Variants in LYST observed in about 807,000 individuals in gnomAD.
LYST encodes the protein lysosomal-trafficking regulator.
A neutral mutation model predicts 413.6 loss-of-function variants in LYST; 192 were observed. That is an observed-to-expected ratio of 0.46 (90% CI 0.41 to 0.52). The LOEUF (loss-of-function observed/expected upper bound fraction) is 0.52. Among genes scored for constraint, LYST ranks in the 20% least tolerant of loss-of-function variants. The pLI is 0.00. For synonymous variants in LYST, 1,525 were observed against 1,567.3 expected (o/e 0.97, Z 0.64); for missense variants, 3,815 against 4,499.9 (o/e 0.85, Z 4.35).
intron 25 of LYST, among the ~76,000 whole-genome samples, chr1:235,754,229 C>CT (rs71576486): frequency 0.25 from 21,724 of 86,622 alleles, 2,762 homozygotes; most frequent in Non-Finnish European, 0.37. Context: ...CTTTTCTTTT[C>CT]TTTTTTTTTT....
chr1:235,725,545 A>G (rs899461313), intron 38 of LYST, among the ~76,000 whole-genome samples: 16 of 152,186 alleles, frequency 1.1e-4, no homozygotes, highest in Admixed American at 3.3e-4. Context: ...CTGAGAATTC[A>G]TAACTGTGGG....
In LYST at chr1:235,780,927, G is replaced by A. The variant is rs1412672912; in HGVS notation, c.5152C>T (p.Arg1718Ter). 11 of 1,588,878 alleles carry A rather than the reference G, an allele frequency of 6.9e-6. No individual in the cohort carries two copies. The highest frequency in any genetic ancestry group is 1.1e-5 in the South Asian group (1 of 87,518). ...AAAAGTTCTCTGATTTGTTCACATC[G>A]CAAAATTTCTTTATTAATATATTTG... ...YSKYINKEILRCEQIRELFMT... is the reference protein window; with the variant it reads ...YSKYINKEIL Residue 1718 changes from arginine to a stop codon, truncating the protein, a stop_gained, in exon 16 of 53, where the codon CGA (arginine) becomes TGA (stop). Coordinates refer to ENST00000389793, the MANE Select transcript of LYST (RefSeq NM_000081.4). LOFTEE classifies it high-confidence loss of function.
chr1:235,752,559 A>G (rs1344697453), intron 26 of LYST, among the ~76,000 whole-genome samples: 1 of 152,148 alleles, frequency 6.6e-6, no homozygotes, highest in Non-Finnish European at 1.5e-5. Flanking sequence ...CATTCTGCGA[A>G]GACTTTTCAG....
intron 48 of LYST, among the ~76,000 whole-genome samples, chr1:235,682,907 G>A (rs564704858): frequency 1.3e-5 from 2 of 152,276 alleles, no homozygotes; most frequent in East Asian, 3.9e-4. Context: ...AAACTAAAAT[G>A]AGGTTAGCGT....
chr1:235,705,550 T>G (rs1661908669), intron 44 of LYST, among the ~76,000 whole-genome samples: 1 of 151,860 alleles, frequency 6.6e-6, no homozygotes, highest in Non-Finnish European at 1.5e-5. Flanking sequence ...CATGCCCAGC[T>G]AATTTTTAAA....
intron 31 of LYST, 64 bp downstream of exon 31, chr1:235,741,358 G>C (rs979349298): frequency 4.6e-6 from 6 of 1,316,718 alleles, no homozygotes; most frequent in Non-Finnish European, 5.5e-6. Flanking sequence ...TTCAGTTCTT[G>C]TTTTATTCAG....
At position 235,804,660 on chromosome 1, in the gene LYST, C is replaced by G; in HGVS notation, c.3399G>C (p.Leu1133Phe). The change falls in exon 7 of 53, where the codon TTG (leucine) becomes TTC (phenylalanine). Residue 1133 changes from leucine (L) to phenylalanine (F), a missense_variant. Physicochemically the swap from Leu to Phe is conservative, Grantham distance 22. Coordinates refer to ENST00000389793, the MANE Select transcript of LYST (RefSeq NM_000081.4). ...KMELELPNQN[L>F]SVESILFEMR... ...TTTCAAATAATATACTTTCCACAGA[C>G]AAGTTCTAAGGTAAAATAAAAGAGA... The G allele has an allele frequency of 6.3e-7, 1 of 1,594,360 alleles. No homozygotes were observed.
At chr1:235,787,042 T>C in intron 14 of LYST, 158 bp downstream of exon 14, 1 of 589,906 alleles carries the variant, frequency 1.7e-6, no homozygotes, top group South Asian at 2.1e-5. Context: ...GAACTTAAAG[T>C]ACAATAATAA....
Position 235,793,527 on chromosome 1 carries a change from T to C in LYST, c.4092A>G (p.Ile1364Met). 1.9e-6 allele frequency: 3 copies of C among 1,572,524 alleles called. No individual in the cohort carries two copies. The highest frequency in any genetic ancestry group is 2.6e-6 in the Non-Finnish European group (3 of 1,145,716). The change falls in exon 11 of 53, where the codon ATA becomes ATG. Residue 1364 changes from isoleucine to methionine, a missense_variant. Physicochemically the swap from Ile to Met is conservative, Grantham distance 10. Transcript: ENST00000389793. ...CTGTACAAGGAGATTTCTCCAGAAA[T>C]ATTCTCAAAAGAAGGGTTAGCTCTT... ...CSEELTLLLRIFLEKSPCTKI... is the reference protein window; with the variant it reads ...CSEELTLLLRMFLEKSPCTKI...
intron 28 of LYST, among the ~76,000 whole-genome samples, chr1:235,750,471 T>C (rs183923522): frequency 1.3e-5 from 2 of 152,170 alleles, no homozygotes; most frequent in Non-Finnish European, 2.9e-5. Flanking sequence ...TGAACTTAAG[T>C]GAATTTAAGA....
chr1:235,792,665 ATT>A (rs57005666), intron 11 of LYST, among the ~76,000 whole-genome samples: 4 of 124,694 alleles, frequency 3.2e-5, no homozygotes, highest in Non-Finnish European at 3.4e-5. Context: ...TCATGTTTAG[ATT>A]TTTTTTTTTT....
intron 3 of LYST, among the ~76,000 whole-genome samples, chr1:235,816,688 G>A (rs1267260862): frequency 6.6e-6 from 1 of 152,058 alleles, no homozygotes; most frequent in Non-Finnish European, 1.5e-5. Flanking sequence ...AGTAACTAAA[G>A]CAGCACAGTA....
At chr1:235,883,529 A>C (rs1572519459) in exon 1 of LYST, 1 of 152,824 alleles carries the variant, frequency 6.5e-6, no homozygotes, top group East Asian at 1.9e-4. Flanking sequence ...CAACTTTCCC[A>C]CGTAAGAATG....
intron 1 of LYST, among the ~76,000 whole-genome samples, chr1:235,872,108 C>A (rs1244865252): frequency 6.6e-6 from 1 of 151,986 alleles, no homozygotes; most frequent in Non-Finnish European, 1.5e-5. Context: ...CCAGCCTGGC[C>A]AATGTGGCGA....
At chr1:235,712,778 A>G in intron 42 of LYST, 8 of 985,080 alleles carry the variant, frequency 8.1e-6, no homozygotes, top group Non-Finnish European at 8.4e-6. Flanking sequence ...CTGTGAATGA[A>G]AATAAAAATA....
intron 1 of LYST, among the ~76,000 whole-genome samples, chr1:235,846,537 C>T (rs181997163): frequency 4.6e-5 from 7 of 152,150 alleles, no homozygotes; most frequent in South Asian, 2.1e-4. Context: ...CCTGATTTAC[C>T]TGACAAAGAA....
chr1:235,868,441 A>G (rs1014528415), upstream of LYST, among the ~76,000 whole-genome samples: 1 of 152,162 alleles, frequency 6.6e-6, no homozygotes, highest in Admixed American at 6.5e-5. Context: ...TTATACATCA[A>G]CTTTCACCCA....
At chr1:235,849,122 A>G (rs1398064844) in intron 1 of LYST, among the ~76,000 whole-genome samples, 1 of 152,174 alleles carries the variant, frequency 6.6e-6, no homozygotes, top group Non-Finnish European at 1.5e-5. Flanking sequence ...TCCTTAACAA[A>G]ATACTAGCTA....
chr1:235,872,119 A>C (rs1219065689), intron 1 of LYST, among the ~76,000 whole-genome samples: 1 of 152,120 alleles, frequency 6.6e-6, no homozygotes, highest in Non-Finnish European at 1.5e-5. Flanking sequence ...AATGTGGCGA[A>C]ACCCAGTCTC....
Sources: allele counts gnomAD v4.1 joint callset (sites outside exome capture counted in the v4.1 genomes callset), GRCh38; gene constraint gnomAD v4.1.1; transcripts MANE v1.5; gene names NCBI Gene and HGNC (gene_info 2026-07-23, HGNC 2026-07-21).